The following CD83 variants were observed in gnomAD, a reference collection of about 807,000 sequenced individuals.
CD83 encodes the protein CD83 antigen.
In CD83, 22 loss-of-function variants were observed where a neutral mutation model predicts 24.6. The ratio of observed to expected loss-of-function variants is 0.90; its 90% CI spans 0.64 to 1.28. The LOEUF is 1.28. CD83 is among the 50% of genes most tolerant of loss of function. The pLI, the probability that CD83 is intolerant of heterozygous loss-of-function variation, is 0.00. For synonymous variants in CD83, 101 were observed against 103.5 expected (o/e 0.98, Z 0.14); for missense variants, 253 against 252.8 (o/e 1.00, Z -0.01).
At chr6:14,120,248 T>C (rs1759641331) in intron 2 of CD83, among the ~76,000 whole-genome samples, 1 of 152,220 alleles carries the variant, frequency 6.6e-6, no homozygotes. Flanking sequence ...AGCATTTTTT[T>C]TAAAACAGCT....
chr6:14,130,014 A>C (rs186158630), intron 2 of CD83, among the ~76,000 whole-genome samples: 1 of 152,136 alleles, frequency 6.6e-6, no homozygotes, highest in African/African-American at 2.4e-5. Flanking sequence ...AGAACGGGAG[A>C]TTCATCATTG....
chr6:14,121,880 T>G (rs1355941912), intron 2 of CD83, among the ~76,000 whole-genome samples: 1 of 152,138 alleles, frequency 6.6e-6, no homozygotes, highest in Non-Finnish European at 1.5e-5. Context: ...AGAGGATGAC[T>G]TTGGTTGGAG....
In CD83 at chr6:14,131,674, G is replaced by A. The variant is rs1757907004; in HGVS notation, c.308G>A (p.Gly103Glu). 1 of 1,614,132 alleles carries A rather than the reference G, an allele frequency of 6.2e-7. No individual in the cohort carries two copies. The highest frequency in any genetic ancestry group is 2.2e-5 in the East Asian group (1 of 44,878). ...KIRNTTSCNS[G>E]TYRCTLQDPD... is the part of the protein sequence containing the mutation. ...CGAAACACTACCAGCTGCAACTCGG[G>A]GACATACAGGTGCACTCTGCAGGAC... Residue 103 changes from glycine to glutamate, a missense_variant, in exon 3 of 5, where the codon GGG (glycine) becomes GAG (glutamate). By Grantham distance (98) the Gly-to-Glu change is moderately conservative. Transcript: ENST00000379153.
chr6:14,119,196 G>C (rs1469831854), intron 2 of CD83, among the ~76,000 whole-genome samples: 1 of 152,182 alleles, frequency 6.6e-6, no homozygotes, highest in Non-Finnish European at 1.5e-5. Flanking sequence ...TTGCAAAGGT[G>C]CTCTGTGAAT....
intron 2 of CD83, among the ~76,000 whole-genome samples, chr6:14,123,147 G>A (rs1275998289): frequency 6.6e-6 from 1 of 151,678 alleles, no homozygotes; most frequent in Non-Finnish European, 1.5e-5. Flanking sequence ...GCCCAGGCTG[G>A]AATACTGTGG....
At chr6:14,133,377 T>C (rs1757966898) in intron 3 of CD83, among the ~76,000 whole-genome samples, 1 of 152,264 alleles carries the variant, frequency 6.6e-6, no homozygotes, top group South Asian at 2.1e-4. Context: ...TCTCTGAGCC[T>C]CGGCTCTTTC....
chr6:14,132,716 G>A (rs957425884), intron 3 of CD83, among the ~76,000 whole-genome samples: 1 of 150,170 alleles, frequency 6.7e-6, no homozygotes, highest in East Asian at 2.0e-4. Flanking sequence ...CATTACCCAC[G>A]GCTGTGAGAA....
intron 2 of CD83, among the ~76,000 whole-genome samples, chr6:14,127,264 A>G (rs1759840281): frequency 6.6e-6 from 1 of 152,178 alleles, no homozygotes; most frequent in South Asian, 2.1e-4. Context: ...TGCTGGGATT[A>G]CAGGCATGAG....
chr6:14,128,174 C>A (rs1759864769), intron 2 of CD83, among the ~76,000 whole-genome samples: 1 of 152,186 alleles, frequency 6.6e-6, no homozygotes. Context: ...TTTGCTGTTA[C>A]TCCGTTTTCC....
intron 3 of CD83, 127 bp from the exon 4 acceptor site, chr6:14,133,522 T>C: frequency 1.5e-6 from 1 of 652,416 alleles, no homozygotes; most frequent in Non-Finnish European, 2.7e-6. Context: ...GTTACTGTCG[T>C]TCATCCTGAT....
intron 2 of CD83, among the ~76,000 whole-genome samples, chr6:14,121,163 C>T (rs1759660321): frequency 6.6e-6 from 1 of 151,958 alleles, no homozygotes. Context: ...GATAGTAGCT[C>T]AATTTAGCTT....
intron 2 of CD83, among the ~76,000 whole-genome samples, chr6:14,123,987 G>A (rs187012867): frequency 1.1e-3 from 170 of 152,268 alleles, no homozygotes; most frequent in African/African-American, 3.7e-3. Context: ...AGATGTTTCC[G>A]TAATCCCTTC....
intron 2 of CD83, among the ~76,000 whole-genome samples, chr6:14,126,182 C>A (rs1262007198): frequency 6.6e-6 from 1 of 152,174 alleles, no homozygotes; most frequent in Non-Finnish European, 1.5e-5. Flanking sequence ...TTGTAACTTT[C>A]TCACTCTTTC....
In CD83 at chr6:14,135,872, A is replaced by G. The variant is rs1758037989; in HGVS notation, c.*636A>G. 1 of 152,276 alleles carries G rather than the reference A, an allele frequency of 6.6e-6. No individual in the cohort carries two copies. The highest frequency in any genetic ancestry group is 2.4e-5 in the African/African-American group (1 of 41,468). The allele number at this position is 152,276 out of a possible 1,614,324, so 9.4% of individuals were successfully genotyped here. A position where few individuals can be genotyped will look rare whatever the true frequency, so the allele number is the denominator to read the frequency against. On this transcript the variant is annotated 3_prime_UTR_variant, in exon 5 of 5. Coordinates refer to ENST00000379153, the MANE Select transcript of CD83 (RefSeq NM_004233.4). ...TAAAGAAGCAATAAAGAAGAGTGCCACATTTATTTTTATATCTATATGTAC... is the reference window on the plus strand; with the variant it reads ...TAAAGAAGCAATAAAGAAGAGTGCCGCATTTATTTTTATATCTATATGTAC...
intron 2 of CD83, among the ~76,000 whole-genome samples, chr6:14,123,955 A>G (rs1371385500): frequency 6.6e-6 from 1 of 152,106 alleles, no homozygotes; most frequent in African/African-American, 2.4e-5. Context: ...TTGATTACCT[A>G]AAAAAAGTTT....
chr6:14,117,625 G>A, upstream of CD83: 1 of 335,396 alleles, frequency 3.0e-6, no homozygotes, highest in Non-Finnish European at 5.3e-6. This position sits in a 1 kb window ranked among gnomAD's most constrained non-coding sequence, Gnocchi z 4.6. Context: ...CGGGGGCGAA[G>A]GGGGCGGGGA....
chr6:14,119,707 C>T (rs1759627741), intron 2 of CD83, among the ~76,000 whole-genome samples: 1 of 152,210 alleles, frequency 6.6e-6, no homozygotes, highest in Admixed American at 6.5e-5. Context: ...CTGGGCTAAC[C>T]AGGCAGGGAC....
At chr6:14,127,550 T>TA (rs879732858) in intron 2 of CD83, among the ~76,000 whole-genome samples, 557 of 144,696 alleles carry the variant, frequency 3.8e-3, no homozygotes, top group Middle Eastern at 0.011. Flanking sequence ...AGTTCATCAT[T>TA]AAAAAAAAAA....
At chr6:14,118,614 G>C (rs1759599733) in intron 2 of CD83, among the ~76,000 whole-genome samples, 1 of 152,096 alleles carries the variant, frequency 6.6e-6, no homozygotes, top group South Asian at 2.1e-4. Flanking sequence ...GATACCCTTG[G>C]CTTCCTCCCC....
Sources: allele counts gnomAD v4.1 joint callset (sites outside exome capture counted in the v4.1 genomes callset), GRCh38; gene constraint gnomAD v4.1.1; non-coding constraint Gnocchi (gnomAD v3.1); transcripts MANE v1.5; gene names NCBI Gene and HGNC (gene_info 2026-07-23, HGNC 2026-07-21).